PACS1: variants seen among roughly 807,000 people sequenced by gnomAD.
PACS1 encodes the protein phosphofurin acidic cluster sorting protein 1.
PACS1 carries 24 observed loss-of-function variants against 115.0 expected under a neutral mutation model. The ratio of observed to expected loss-of-function variants is 0.21; its 90% CI spans 0.15 to 0.29. The LOEUF (loss-of-function observed/expected upper bound fraction) is 0.29, where lower values mean the gene tolerates loss of function less well. PACS1 is among the 10% of genes least tolerant of loss of function. PACS1 has a pLI of 1.00. For missense variants in PACS1, 838 were observed against 1,251.2 expected, an observed-to-expected ratio of 0.67 and a Z score of 4.98; for synonymous variants, 453 against 504.5, an observed-to-expected ratio of 0.90 and a Z score of 1.37.
chr11:66,216,392 C>T (rs1357227948), intron 5 of PACS1, 128 bp from the exon 6 acceptor site: 45 of 1,398,236 alleles, frequency 3.2e-5, no homozygotes, highest in Admixed American at 3.0e-4. Context: ...AATGTGGCTT[C>T]GGCCCTGGCC....
intron 2 of PACS1, among the ~76,000 whole-genome samples, chr11:66,201,622 G>GA (rs1292645831): frequency 1.0e-4 from 14 of 138,064 alleles, no homozygotes; most frequent in East Asian, 8.4e-4. Context: ...AAATGAAATT[G>GA]AAAAAAAAAA....
At chr11:66,077,048 G>A (rs1857411355) in intron 1 of PACS1, among the ~76,000 whole-genome samples, 1 of 152,156 alleles carries the variant, frequency 6.6e-6, no homozygotes, top group Admixed American at 6.5e-5. Flanking sequence ...ACCAAGATAT[G>A]CACCAGCTCT....
chr11:66,203,559 A>T (rs146329733), intron 2 of PACS1, among the ~76,000 whole-genome samples: 2 of 152,244 alleles, frequency 1.3e-5, no homozygotes, highest in Non-Finnish European at 2.9e-5. Flanking sequence ...CATCCTGAGC[A>T]CAAAGAACAA....
At chr11:66,100,704 G>A (rs1286611470) in intron 1 of PACS1, 1 of 437,472 alleles carries the variant, frequency 2.3e-6, no homozygotes, top group Non-Finnish European at 4.6e-6. Flanking sequence ...CTCAAGTGAG[G>A]TGGGCTGGTT....
intron 2 of PACS1, among the ~76,000 whole-genome samples, chr11:66,201,806 C>T (rs1418514243): frequency 3.3e-5 from 5 of 151,698 alleles, no homozygotes; most frequent in East Asian, 1.9e-4. Context: ...ATTACAGGCG[C>T]GCACCACCAT....
intron 1 of PACS1, among the ~76,000 whole-genome samples, chr11:66,094,131 A>G (rs1482566079): frequency 3.3e-5 from 5 of 151,084 alleles, no homozygotes; most frequent in Admixed American, 1.3e-4. Flanking sequence ...ATCACAATTA[A>G]AAGAACTAGA....
intron 5 of PACS1, 41 bp downstream of exon 5, chr11:66,216,304 G>T (rs748855648): frequency 6.2e-7 from 1 of 1,609,726 alleles, no homozygotes; most frequent in Non-Finnish European, 8.5e-7. Context: ...CGAAGAGGGA[G>T]CCCATCCTGG....
intron 1 of PACS1, among the ~76,000 whole-genome samples, chr11:66,092,840 C>T (rs1188117519): frequency 7.2e-5 from 11 of 152,016 alleles, no homozygotes; most frequent in Non-Finnish European, 1.3e-4. Context: ...TGTAGATATG[C>T]GGCGTTATTT....
chr11:66,223,971 G>A (rs1221580044), intron 10 of PACS1, among the ~76,000 whole-genome samples: 1 of 152,144 alleles, frequency 6.6e-6, no homozygotes, highest in African/African-American at 2.4e-5. Context: ...GCCGAGGTGG[G>A]TGGACCACTT....
At chr11:66,205,035 A>G (rs1453844418) in intron 2 of PACS1, among the ~76,000 whole-genome samples, 1 of 151,918 alleles carries the variant, frequency 6.6e-6, no homozygotes, top group Non-Finnish European at 1.5e-5. Flanking sequence ...CCTAGGCTGC[A>G]GTGCAATGGC....
At position 66,234,155 on chromosome 11, in the gene PACS1, T is replaced by C; in HGVS notation, c.2017T>C (p.Leu673=). The change falls in exon 17 of 24, where the codon TTG becomes CTG. Residue 673 remains leucine, a synonymous_variant. Coordinates refer to ENST00000320580, the MANE Select transcript of PACS1 (RefSeq NM_018026.4). The stretch of plus-strand genomic sequence containing the variant: ...AGGTTCTCACCCTGTGGCCAAATAC[T>C]TGGGGTCAGTCGACAGTAAATACAG... The part of the protein sequence containing the change: ...PLGSHPVAKY[L]GSVDSKYSSS... 6.2e-7 allele frequency: 1 copy of C among 1,613,916 alleles called. No individual in the cohort carries two copies.
chr11:66,228,345 G>C (rs915263674), intron 11 of PACS1, among the ~76,000 whole-genome samples: 1 of 152,050 alleles, frequency 6.6e-6, no homozygotes, highest in African/African-American at 2.4e-5. Flanking sequence ...TAGAATCTGT[G>C]AAAGAATTAT....
chr11:66,133,919 A>G (rs1239500219), intron 1 of PACS1, among the ~76,000 whole-genome samples: 2 of 152,238 alleles, frequency 1.3e-5, no homozygotes, highest in East Asian at 3.8e-4. Context: ...CAAGCCAGAC[A>G]GATACTTGTC....
intron 7 of PACS1, 120 bp downstream of exon 7, chr11:66,216,895 C>A: frequency 1.7e-6 from 1 of 604,692 alleles, no homozygotes; most frequent in Non-Finnish European, 3.0e-6. Flanking sequence ...ATCCCTTCAA[C>A]GATTCCAATG....
intron 1 of PACS1, among the ~76,000 whole-genome samples, chr11:66,135,876 C>A (rs1405022448): frequency 6.6e-6 from 1 of 152,036 alleles, no homozygotes; most frequent in African/African-American, 2.4e-5. Flanking sequence ...AGGCTGGTCT[C>A]GAACTCCTGA....
At chr11:66,071,615 A>G (rs1329994010) in intron 1 of PACS1, among the ~76,000 whole-genome samples, 1 of 152,076 alleles carries the variant, frequency 6.6e-6, no homozygotes, top group Non-Finnish European at 1.5e-5. Context: ...TCTGTCTCCA[A>G]CTCTGGGGAC....
At chr11:66,208,472 G>A (rs919193753) in intron 2 of PACS1, among the ~76,000 whole-genome samples, 3 of 151,778 alleles carry the variant, frequency 2.0e-5, no homozygotes, top group Non-Finnish European at 2.9e-5. Context: ...AAATAAAAAC[G>A]GTAAAAATAA....
chr11:66,233,766 C>A lies in PACS1; in HGVS notation c.1839-19C>A, dbSNP rs201219981. On this transcript the variant is annotated intron_variant, in intron 15 of 23. Transcript: ENST00000320580. The surrounding 1 kb of genome is among the most constrained non-coding windows in gnomAD (Gnocchi z 4.5). ...CTGGCACCCCTGAGCACTGCTATGA[C>A]GCTCCCCTTCCTCCCCAGCTGCAAC... 6.2e-7 allele frequency: 1 copy of A among 1,609,742 alleles called. No homozygotes were observed. The highest frequency in any genetic ancestry group is 8.5e-7 in the Non-Finnish European group (1 of 1,177,696).
intron 16 of PACS1, 38 bp from the exon 17 acceptor site, chr11:66,234,091 TCTC>T: frequency 6.5e-7 from 1 of 1,539,486 alleles, no homozygotes; most frequent in Non-Finnish European, 9.0e-7. Flanking sequence ...CACTGTCTCA[TCTC>T]CTGACGAATT....
Sources: gnomAD v4.1 joint callset for allele counts (sites outside exome capture counted in the v4.1 genomes callset) on GRCh38, gnomAD v4.1.1 for gene constraint, Gnocchi (gnomAD v3.1) non-coding constraint, MANE v1.5 for transcripts, NCBI Gene and HGNC (gene_info 2026-07-23, HGNC 2026-07-21) for gene names.